DAB1: variants seen among roughly 807,000 people sequenced by gnomAD.
The protein encoded by DAB1 is disabled homolog 1.
Under a neutral mutation model 64.6 loss-of-function variants are expected in DAB1, and 15 were observed. That is an observed-to-expected ratio of 0.23 (90% CI 0.16 to 0.36). The LOEUF (loss-of-function observed/expected upper bound fraction) is 0.36. Ranked by LOEUF, DAB1 falls within the 10% of genes least tolerant of loss-of-function variation. DAB1 has a pLI of 1.00. For synonymous variants in DAB1, 235 were observed against 251.9 expected (o/e 0.93, Z 0.64); for missense variants, 596 against 706.7 (o/e 0.84, Z 1.78).
chr1:58,374,078 C>A (rs7550064), intron 3 of DAB1, among the ~76,000 whole-genome samples: 9,769 of 25,770 alleles, frequency 0.38, 3,903 homozygotes, highest in East Asian at 1. Flanking sequence ...TCTGGATATA[C>A]GCCCTTTGTC....
At chr1:57,877,450 C>A (rs1311341039) in intron 1 of DAB1, among the ~76,000 whole-genome samples, 1 of 152,160 alleles carries the variant, frequency 6.6e-6, no homozygotes, top group African/African-American at 2.4e-5. Flanking sequence ...CTGTTCCCAC[C>A]TGAAGCACTT....
intron 4 of DAB1, among the ~76,000 whole-genome samples, chr1:58,152,633 T>A (rs1003440518): frequency 6.6e-6 from 1 of 152,242 alleles, no homozygotes; most frequent in African/African-American, 2.4e-5. Context: ...CTAATCCCTA[T>A]TGCAACATCA....
chr1:58,040,896 T>C (rs1647124921), intron 5 of DAB1, among the ~76,000 whole-genome samples: 1 of 152,184 alleles, frequency 6.6e-6, no homozygotes, highest in African/African-American at 2.4e-5. Context: ...TACAGAATTG[T>C]GTCCAACCTC....
At chr1:57,249,654 G>A (rs1306993411) in intron 2 of DAB1, among the ~76,000 whole-genome samples, 1 of 152,146 alleles carries the variant, frequency 6.6e-6, no homozygotes, top group Non-Finnish European at 1.5e-5. Flanking sequence ...TTACAGGCAT[G>A]AGCCACCACA....
chr1:58,237,075 C>A (rs1276810118), intron 4 of DAB1, among the ~76,000 whole-genome samples: 4 of 152,114 alleles, frequency 2.6e-5, no homozygotes, highest in Admixed American at 1.3e-4. Flanking sequence ...CCCGTAGATG[C>A]CAGCTACTCC....
chr1:58,514,140 T>C (rs909431519), intron 2 of DAB1, among the ~76,000 whole-genome samples: 7 of 152,162 alleles, frequency 4.6e-5, no homozygotes, highest in Admixed American at 1.3e-4. Flanking sequence ...AAATGCTATG[T>C]TTGGTCCTAA....
At chr1:58,049,342 G>A (rs918678326) in intron 5 of DAB1, 31 of 629,640 alleles carry the variant, frequency 4.9e-5, no homozygotes, top group African/African-American at 9.1e-5. Context: ...CGGCATCCAC[G>A]GGCAGAAAGG....
Position 56,999,491 on chromosome 1 carries a change from T to G in DAB1, c.*16-1363A>C, listed in dbSNP as rs1461053677. On this transcript the variant is annotated intron_variant, in intron 14 of 14. Transcript: ENST00000371236. ...GCACCTCATGTCTTATTTATCTGCC[T>G]TATAGTCCTGAGGGTGGCTTTTATT... Among the ~76,000 whole-genome samples, 8 of 152,216 alleles carry G rather than the reference T, an allele frequency of 5.3e-5. No individual in the cohort carries two copies. The East Asian group carries it at 1.5e-3, about 29-fold the overall frequency.
chr1:58,009,656 C>T (rs1258893835), intron 5 of DAB1, among the ~76,000 whole-genome samples: 1 of 152,132 alleles, frequency 6.6e-6, no homozygotes, highest in Admixed American at 6.5e-5. Flanking sequence ...TACACTTGTT[C>T]TTTATTTCCC....
At chr1:57,643,065 G>A (rs980084768) in intron 7 of DAB1, among the ~76,000 whole-genome samples, 3 of 152,330 alleles carry the variant, frequency 2.0e-5, no homozygotes, top group African/African-American at 7.2e-5. Context: ...ACATATAAAT[G>A]TGTGCAGGGG....
At chr1:57,961,091 G>A (rs1186425595) in intron 5 of DAB1, among the ~76,000 whole-genome samples, 1 of 152,214 alleles carries the variant, frequency 6.6e-6, no homozygotes, top group African/African-American at 2.4e-5. Context: ...TTGTTGCAAA[G>A]ATGAAGTGAT....
rs745955682 is a variant in DAB1 at position 58,347,100 on chromosome 1, TTTTG to T, written n.258-3701_258-3698del. ...TATGGGTTTGTTTTGTTTTGTTTTG[TTTTG>T]TTTGTTTGTTTGTTTGTTTTGAGAC... On this transcript the variant is annotated intron_variant and non_coding_transcript_variant, in intron 3 of 20. Coordinates refer to the DAB1 transcript ENST00000485760. 1.8e-3 allele frequency among the ~76,000 whole-genome samples: 199 copies of T among 108,186 alleles called. 1 individual carries two copies. The highest frequency in any genetic ancestry group is 5.7e-3 in the East Asian group (19 of 3,330). The allele number at this position is 108,186 out of a possible 152,430, so 71.0% of individuals were successfully genotyped here.
chr1:57,055,732 T>G (rs2100544294), intron 9 of DAB1, among the ~76,000 whole-genome samples: 1 of 152,152 alleles, frequency 6.6e-6, no homozygotes, highest in Non-Finnish European at 1.5e-5. Flanking sequence ...AAGACAGAGG[T>G]TGAGGGATCC....
At chr1:58,164,845 C>T (rs924445240) in intron 4 of DAB1, among the ~76,000 whole-genome samples, 1 of 152,100 alleles carries the variant, frequency 6.6e-6, no homozygotes, top group Admixed American at 6.5e-5. Flanking sequence ...TCAGCATCTG[C>T]TTAACATATA....
At chr1:57,294,466 T>TC (rs1234116405) in intron 1 of DAB1, among the ~76,000 whole-genome samples, 6 of 54,662 alleles carry the variant, frequency 1.1e-4, no homozygotes, top group Admixed American at 6.4e-4. Context: ...CAGATATGCC[T>TC]TTTTTTTTTA....
At chr1:58,512,994 T>C (rs1482194931) in intron 2 of DAB1, among the ~76,000 whole-genome samples, 1 of 152,164 alleles carries the variant, frequency 6.6e-6, no homozygotes, top group Non-Finnish European at 1.5e-5. Flanking sequence ...TTCTTTTGCT[T>C]CAAGAAAAGT....
At chr1:57,440,729 A>C (rs1558382889) in intron 7 of DAB1, among the ~76,000 whole-genome samples, 1 of 152,236 alleles carries the variant, frequency 6.6e-6, no homozygotes, top group Non-Finnish European at 1.5e-5. Flanking sequence ...TCCAGGGAAT[A>C]TCCACAGGGT....
chr1:57,779,031 C>G (rs950864251), intron 6 of DAB1, among the ~76,000 whole-genome samples: 1 of 151,874 alleles, frequency 6.6e-6, no homozygotes, highest in East Asian at 1.9e-4. Context: ...CTGCCTACCT[C>G]GAGTCTACCT....
chr1:58,002,853 G>A (rs576809697), intron 5 of DAB1, among the ~76,000 whole-genome samples: 1 of 152,202 alleles, frequency 6.6e-6, no homozygotes, highest in East Asian at 1.9e-4. Flanking sequence ...CAACCATTTA[G>A]TAGTCTTCTA....
Sources: allele counts gnomAD v4.1 joint callset (sites outside exome capture counted in the v4.1 genomes callset), GRCh38; gene constraint gnomAD v4.1.1; transcripts MANE v1.5; gene names NCBI Gene and HGNC (gene_info 2026-07-23, HGNC 2026-07-21).